Variants in SCGB2B2 observed in about 807,000 individuals in gnomAD.
SCGB2B2 encodes secretoglobin-like protein.
Under a neutral mutation model 7.6 loss-of-function variants are expected in SCGB2B2, and 11 were observed. The observed-to-expected ratio is 1.45, with a 90% CI of 0.91 to 2.40. The LOEUF is 2.40. Ranked by LOEUF, SCGB2B2 falls within the 30% of genes most tolerant of loss-of-function variation. The pLI is 0.00. For synonymous variants in SCGB2B2, 50 were observed against 48.6 expected (o/e 1.03, Z -0.12); for missense variants, 104 against 115.4 (o/e 0.90, Z 0.45).
At chr19:34,614,631 C>A (rs1459849105) in intron 1 of SCGB2B2, among the ~76,000 whole-genome samples, 3 of 152,096 alleles carry the variant, frequency 2.0e-5, no homozygotes, top group Admixed American at 2.0e-4. Context: ...TGTCTTTTAC[C>A]AGCAAGTTAT....
At chr19:34,620,255 A>C (rs1421766527) in intron 1 of SCGB2B2, among the ~76,000 whole-genome samples, 2 of 152,182 alleles carry the variant, frequency 1.3e-5, no homozygotes, top group African/African-American at 4.8e-5. Flanking sequence ...ACTATTCACA[A>C]TAGCAAAGAC....
chr19:34,642,572 C>T (rs779117603), intron 1 of SCGB2B2, among the ~76,000 whole-genome samples: 2 of 151,570 alleles, frequency 1.3e-5, no homozygotes, highest in African/African-American at 2.4e-5. Flanking sequence ...AAAAATTAGC[C>T]GGGCATGGTG....
intron 1 of SCGB2B2, among the ~76,000 whole-genome samples, chr19:34,601,731 T>C (rs2065629153): frequency 6.6e-6 from 1 of 152,246 alleles, no homozygotes; most frequent in African/African-American, 2.4e-5. Context: ...GCTCTAAGAC[T>C]ATATATAACT....
downstream of SCGB2B2, among the ~76,000 whole-genome samples, chr19:34,589,466 T>C (rs558769127): frequency 3.9e-4 from 60 of 152,244 alleles, no homozygotes; most frequent in Admixed American, 1.0e-3. Flanking sequence ...ACTTAAGGCA[T>C]TAAAATGTCC....
chr19:34,659,330 G>A (rs978912479), intron 1 of SCGB2B2, among the ~76,000 whole-genome samples: 3 of 152,280 alleles, frequency 2.0e-5, no homozygotes, highest in Non-Finnish European at 4.4e-5. Context: ...TATTCAATTA[G>A]GAAAAGAGGA....
intron 1 of SCGB2B2, among the ~76,000 whole-genome samples, chr19:34,643,713 TA>T (rs538545156): frequency 1.3e-5 from 2 of 151,984 alleles, no homozygotes; most frequent in African/African-American, 2.4e-5. Flanking sequence ...ATGTATCAAT[TA>T]AAAAAAACTA....
downstream of SCGB2B2, among the ~76,000 whole-genome samples, chr19:34,588,354 T>C (rs2065225866): frequency 6.6e-6 from 1 of 152,208 alleles, no homozygotes; most frequent in Non-Finnish European, 1.5e-5. Context: ...AATCTAATCA[T>C]GAAAATTCAC....
At chr19:34,665,244 C>T (rs1172322220) in intron 1 of SCGB2B2, among the ~76,000 whole-genome samples, 2 of 152,248 alleles carry the variant, frequency 1.3e-5, no homozygotes, top group South Asian at 4.1e-4. Flanking sequence ...GGTCACAAGG[C>T]GTGCAGCCTG....
chr19:34,670,174 G>C lies in SCGB2B2; in HGVS notation c.-2032+5456C>G, dbSNP rs546031679. On this transcript the variant is annotated intron_variant, in intron 1 of 3. Coordinates refer to ENST00000601241, the MANE Select transcript of SCGB2B2 (RefSeq NM_001025591.4). ...ACAGGTGCTCCAGGTCGAGCGTTTT[G>C]CCATCTCTAAGAAAAGACTAATCCT... Among the ~76,000 whole-genome samples, 13 of 152,254 alleles carry C rather than the reference G, an allele frequency of 8.5e-5. No homozygotes were observed. In the South Asian group the frequency reaches 2.7e-3, roughly 32 times the overall value.
chr19:34,630,246 T>A lies in SCGB2B2; in HGVS notation c.-2031-33652A>T, dbSNP rs368155144. On this transcript the variant is annotated intron_variant, in intron 1 of 3. Transcript: ENST00000601241. ...AAATACCAAAAGCAATGGCAACAAATGCCAAAATTGACAAATGGGATCTAA... is the reference window on the plus strand; with the variant it reads ...AAATACCAAAAGCAATGGCAACAAAAGCCAAAATTGACAAATGGGATCTAA... 1.7e-3 allele frequency among the ~76,000 whole-genome samples: 264 copies of A among 151,844 alleles called. 1 individual carries two copies. The highest frequency in any genetic ancestry group is 5.6e-3 in the African/African-American group (234 of 41,478).
chr19:34,598,993 TGCGGCCAG>T (rs2065539964), intron 1 of SCGB2B2, among the ~76,000 whole-genome samples: 1 of 152,264 alleles, frequency 6.6e-6, no homozygotes, highest in African/African-American at 2.4e-5. Flanking sequence ...CCATTGGCCC[TGCGGCCAG>T]GCTGGCACCT....
chr19:34,657,170 T>C (rs2146108792), intron 1 of SCGB2B2, among the ~76,000 whole-genome samples: 1 of 151,448 alleles, frequency 6.6e-6, no homozygotes, highest in East Asian at 1.9e-4. Flanking sequence ...ATATTTACAG[T>C]GGCATTAAAA....
downstream of SCGB2B2, among the ~76,000 whole-genome samples, chr19:34,586,128 A>C (rs1004273869): frequency 6.6e-6 from 1 of 152,114 alleles, no homozygotes; most frequent in Non-Finnish European, 1.5e-5. Flanking sequence ...AGTTTTGGGG[A>C]AGGGCTATTA....
chr19:34,639,508 A>G (rs1416077158), intron 1 of SCGB2B2, among the ~76,000 whole-genome samples: 3 of 152,198 alleles, frequency 2.0e-5, no homozygotes, highest in Non-Finnish European at 4.4e-5. Context: ...TAGTATCATA[A>G]GTAATTGCTA....
chr19:34,669,821 T>C (rs950592637), intron 1 of SCGB2B2, among the ~76,000 whole-genome samples: 3 of 150,552 alleles, frequency 2.0e-5, no homozygotes, highest in Admixed American at 6.6e-5. Flanking sequence ...TGGAAAACAT[T>C]ATTATTTACA....
In SCGB2B2 at chr19:34,653,823, C is replaced by T. The variant is rs374245956; in HGVS notation, c.-2032+21807G>A. ...GATACTGAAGGAACTTACCTCAACA[C>T]AAATATGGTAATATATAAAAACCCA... On this transcript the variant is annotated intron_variant, in intron 1 of 3. Coordinates refer to ENST00000601241, the MANE Select transcript of SCGB2B2 (RefSeq NM_001025591.4). 6.6e-5 allele frequency among the ~76,000 whole-genome samples: 10 copies of T among 151,020 alleles called. 1 individual carries two copies. Among genetic ancestry groups the T allele is most frequent in the African/African-American group, 2.2e-4 (9 of 40,436 alleles).
chr19:34,658,807 CAACAACAA>C (rs562693238), intron 1 of SCGB2B2, among the ~76,000 whole-genome samples: 1,786 of 60,710 alleles, frequency 0.029, 19 homozygotes, highest in African/African-American at 0.083. Flanking sequence ...ACAACAACAA[CAACAACAA>C]AAAAAAAAAA....
chr19:34,670,673 A>G (rs1470294493), intron 1 of SCGB2B2, among the ~76,000 whole-genome samples: 1 of 152,232 alleles, frequency 6.6e-6, no homozygotes, highest in Non-Finnish European at 1.5e-5. Context: ...CTTCTAGCCT[A>G]TGGCTCTTTT....
intron 1 of SCGB2B2, among the ~76,000 whole-genome samples, chr19:34,617,358 C>G (rs530569891): frequency 1.1e-4 from 16 of 151,362 alleles, no homozygotes; most frequent in African/African-American, 3.9e-4. Flanking sequence ...TCTTTTATTT[C>G]ATTGAGCAGT....
Sources: allele counts gnomAD v4.1 joint callset (sites outside exome capture counted in the v4.1 genomes callset), GRCh38; gene constraint gnomAD v4.1.1; transcripts MANE v1.5; gene names NCBI Gene and HGNC (gene_info 2026-07-23, HGNC 2026-07-21).